The following PADI2 variants were observed in gnomAD, a reference collection of about 807,000 sequenced individuals.
PADI2 encodes the protein protein-arginine deiminase type-2.
In PADI2, 70 loss-of-function variants were observed where a neutral mutation model predicts 81.1. That is an observed-to-expected ratio of 0.86 (90% CI 0.71 to 1.05). PADI2 has a LOEUF of 1.05. PADI2 is among the 50% of genes least tolerant of loss of function. The probability of loss-of-function intolerance (pLI) is 0.00; values close to 1 mark genes in which losing one functional copy is unlikely to be tolerated. For synonymous variants in PADI2, 338 were observed against 358.0 expected (o/e 0.94, Z 0.63); for missense variants, 853 against 889.9 (o/e 0.96, Z 0.53).
chr1:17,109,117 G>A (rs1013235328), intron 1 of PADI2, among the ~76,000 whole-genome samples: 1 of 152,090 alleles, frequency 6.6e-6, no homozygotes, highest in African/African-American at 2.4e-5. Flanking sequence ...GGGTGCGGTG[G>A]CTCACACCTG....
Position 17,084,581 on chromosome 1 carries a change from G to C in PADI2, c.938+18C>G, listed in dbSNP as rs2078370976. 6.5e-7 allele frequency: 1 copy of C among 1,531,466 alleles called. No homozygotes were observed. Among genetic ancestry groups the C allele is most frequent in the Non-Finnish European group, 8.9e-7 (1 of 1,125,608 alleles). 94.9% of individuals were successfully genotyped at this position (1,531,466 alleles called of 1,614,324 possible). On this transcript the variant is annotated intron_variant, in intron 8 of 15. Transcript: ENST00000375486. The stretch of plus-strand genomic sequence containing the variant: ...CCACTCTGCCACGCTGCCTCTCCAG[G>C]CTGGGGTCACCCCTTACCAGCACAC...
At chr1:17,106,586 G>A (rs1322351089) in intron 1 of PADI2, among the ~76,000 whole-genome samples, 1 of 152,000 alleles carries the variant, frequency 6.6e-6, no homozygotes, top group Non-Finnish European at 1.5e-5. Context: ...GGGATTACAG[G>A]TGCACACCAC....
In PADI2 at chr1:17,071,281, G is replaced by T. The variant is rs570882340; in HGVS notation, c.1635+125C>A. The T allele has an allele frequency of 1.4e-5, 9 of 666,254 alleles. No homozygotes were observed. The Admixed American group carries it at 2.1e-4, about 16-fold the overall frequency. The allele number at this position is 666,254 out of a possible 1,614,324, so 41.3% of individuals were successfully genotyped here. A position where few individuals can be genotyped will look rare whatever the true frequency, so the allele number is the denominator to read the frequency against. ...GCTGGTGGAGGCTCTTCCCTGTGCT[G>T]CTGTGCTCGGGGTCAGGAGCTCCTG... is the stretch of plus-strand genomic sequence containing the variant. On this transcript the variant is annotated intron_variant, in intron 14 of 15. Coordinates refer to ENST00000375486, the MANE Select transcript of PADI2 (RefSeq NM_007365.3).
chr1:17,119,167 G>C lies in PADI2; in HGVS notation c.92+113C>G. Reference sequence around the variant, plus strand: ...TAGGATTTCTGGGCTCGGGGGCTCGGGATGAGGGACAACTCGGGCTGGACA... The same window carrying C: ...TAGGATTTCTGGGCTCGGGGGCTCGCGATGAGGGACAACTCGGGCTGGACA... On this transcript the variant is annotated intron_variant, in intron 1 of 15. Transcript: ENST00000375486. The surrounding 1 kb of genome is among the most constrained non-coding windows in gnomAD (Gnocchi z 4.8). 1 of 710,326 alleles carries C rather than the reference G, an allele frequency of 1.4e-6. No homozygotes were observed. The highest frequency in any genetic ancestry group is 3.4e-5 in the East Asian group (1 of 29,274). The allele number at this position is 710,326 out of a possible 1,614,324, so 44.0% of individuals were successfully genotyped here. A position where few individuals can be genotyped will look rare whatever the true frequency, so the allele number is the denominator to read the frequency against.
In PADI2 at chr1:17,074,379, C is replaced by A. The variant is rs1027559273; in HGVS notation, c.1549+477G>T. On this transcript the variant is annotated intron_variant, in intron 13 of 15. Coordinates refer to ENST00000375486, the MANE Select transcript of PADI2 (RefSeq NM_007365.3). ...TGCACTCCAGCCTGGGCAATAAGAGCGAAACTCTGTCTCAAAAAAAAAAAA... is the reference window on the plus strand; with the variant it reads ...TGCACTCCAGCCTGGGCAATAAGAGAGAAACTCTGTCTCAAAAAAAAAAAA... 3.3e-5 allele frequency among the ~76,000 whole-genome samples: 4 copies of A among 122,748 alleles called. No homozygotes were observed. In the Admixed American group the frequency reaches 3.8e-4, roughly 12 times the overall value. The allele number at this position is 122,748 out of a possible 152,430, so 80.5% of individuals were successfully genotyped here.
At chr1:17,114,139 G>A (rs1931677489) in intron 1 of PADI2, among the ~76,000 whole-genome samples, 1 of 152,202 alleles carries the variant, frequency 6.6e-6, no homozygotes, top group Non-Finnish European at 1.5e-5. Flanking sequence ...TCTCTCAGGA[G>A]CAAGCGCTGC....
At chr1:17,090,581 T>TGGTGTGTGTGTG (rs1553182498) in intron 6 of PADI2, among the ~76,000 whole-genome samples, 1 of 142,740 alleles carries the variant, frequency 7.0e-6, no homozygotes, top group Non-Finnish European at 1.5e-5. Context: ...CGTCCTTTGC[T>TGGTGTGTGTGTG]TGTGTGTGTG....
At chr1:17,072,064 C>T (rs575861332) in intron 13 of PADI2, among the ~76,000 whole-genome samples, 17 of 152,334 alleles carry the variant, frequency 1.1e-4, no homozygotes, top group African/African-American at 4.1e-4. Flanking sequence ...GGATCCTCCC[C>T]ACATTTCTAT....
intron 3 of PADI2, among the ~76,000 whole-genome samples, chr1:17,098,929 G>A (rs1034070575): frequency 6.6e-6 from 1 of 152,254 alleles, no homozygotes; most frequent in Non-Finnish European, 1.5e-5. Flanking sequence ...CTGCCTTCCC[G>A]AGGGGGAGGA....
chr1:17,082,781 C>A (rs2078354342), intron 9 of PADI2, 129 bp from the exon 10 acceptor site: 1 of 613,370 alleles, frequency 1.6e-6, no homozygotes, highest in Non-Finnish European at 2.9e-6. Context: ...TCCCTGGTCC[C>A]CCATCCTCCT....
At position 17,119,102 on chromosome 1, in the gene PADI2, C is replaced by G. The variant is rs1211984026; in HGVS notation, c.92+178G>C. ...AGTCTCAGGGTTTCTGGAAGGTGGA[C>G]ACAAGGTTCGGGGGTTGTCAGGTTT... On this transcript the variant is annotated intron_variant, in intron 1 of 15. Transcript: ENST00000375486. This position sits in a 1 kb window ranked among gnomAD's most constrained non-coding sequence, Gnocchi z 4.8. Among the ~76,000 whole-genome samples the G allele has an allele frequency of 6.6e-6, 1 of 151,776 alleles. No homozygotes were observed. Among genetic ancestry groups the G allele is most frequent in the Non-Finnish European group, 1.5e-5 (1 of 67,952 alleles).
chr1:17,110,380 A>C (rs988736651), intron 1 of PADI2, among the ~76,000 whole-genome samples: 1 of 152,190 alleles, frequency 6.6e-6, no homozygotes, highest in Non-Finnish European at 1.5e-5. Flanking sequence ...CCCAGAACCC[A>C]GGACATGGAT....
intron 6 of PADI2, among the ~76,000 whole-genome samples, chr1:17,089,280 C>T (rs1930587504): frequency 6.6e-6 from 1 of 152,200 alleles, no homozygotes; most frequent in African/African-American, 2.4e-5. Flanking sequence ...ATAGTGTGCA[C>T]CCTGCAGCCC....
chr1:17,104,212 C>T (rs1484075473), intron 2 of PADI2, among the ~76,000 whole-genome samples: 1 of 151,146 alleles, frequency 6.6e-6, no homozygotes, highest in East Asian at 2.0e-4. Context: ...ATGGTGTGAA[C>T]CTGGGAGGTG....
chr1:17,119,356 T>A lies in PADI2; in HGVS notation c.16A>T (p.Thr6Ser). The A allele has an allele frequency of 1.3e-6, 2 of 1,538,718 alleles. No homozygotes were observed. Among genetic ancestry groups the A allele is most frequent in the Non-Finnish European group, 1.8e-6 (2 of 1,142,734 alleles). MLRER[T>S]VRLQYGSRVE... The stretch of plus-strand genomic sequence containing the variant: ...CGGCTCCCGTACTGCAGCCGCACGG[T>A]CCGCTCGCGCAGCATCCTCCCCGCC... The change falls in exon 1 of 16, where the codon ACC (threonine) becomes TCC (serine). Residue 6 changes from threonine to serine, a missense_variant. Coordinates refer to ENST00000375486, the MANE Select transcript of PADI2 (RefSeq NM_007365.3). This position sits in a 1 kb window ranked among gnomAD's most constrained non-coding sequence, Gnocchi z 4.8.
chr1:17,106,833 C>T (rs185996232), intron 1 of PADI2, among the ~76,000 whole-genome samples: 73 of 151,936 alleles, frequency 4.8e-4, no homozygotes, highest in Non-Finnish European at 7.8e-4. Flanking sequence ...AGATAGAGAT[C>T]TCTCTCCATG....
intron 3 of PADI2, among the ~76,000 whole-genome samples, chr1:17,101,988 G>T (rs1254544056): frequency 6.6e-6 from 1 of 152,132 alleles, no homozygotes. Flanking sequence ...TTAATATCAG[G>T]TGTTTACCAT....
chr1:17,106,152 T>A (rs1261973005), intron 1 of PADI2, among the ~76,000 whole-genome samples: 1 of 152,130 alleles, frequency 6.6e-6, no homozygotes, highest in African/African-American at 2.4e-5. Flanking sequence ...TGCCACAGCT[T>A]TCTTGCCACC....
chr1:17,069,208 A>G lies in PADI2; in HGVS notation c.1834T>C (p.Cys612Arg), dbSNP rs909252241. ...CCACGCACGTGCATCTCCAGGCAGC[A>G]TTCCTCCTCAACCTGTGGCCCGAAT... ...KPFGPQVEEE[C>R]CLEMHVRGLL... Residue 612 changes from cysteine to arginine, a missense_variant, in exon 16 of 16, where the codon TGC (cysteine) becomes CGC (arginine). Coordinates refer to ENST00000375486, the MANE Select transcript of PADI2 (RefSeq NM_007365.3). The G allele has an allele frequency of 1.9e-6, 3 of 1,614,236 alleles. No homozygotes were observed. Among genetic ancestry groups the G allele is most frequent in the Non-Finnish European group, 1.7e-6 (2 of 1,180,046 alleles).
Sources: allele counts gnomAD v4.1 joint callset (sites outside exome capture counted in the v4.1 genomes callset), GRCh38; gene constraint gnomAD v4.1.1; non-coding constraint Gnocchi (gnomAD v3.1); transcripts MANE v1.5; gene names NCBI Gene and HGNC (gene_info 2026-07-23, HGNC 2026-07-21).